NLGN4X: variants seen among roughly 807,000 people sequenced by gnomAD.
NLGN4X encodes the protein neuroligin 4 X-linked, also known as neuroligin-4, X-linked.
NLGN4X carries 3 observed loss-of-function variants against 40.3 expected under a neutral mutation model. The observed-to-expected ratio is 0.07, with a 90% CI of 0.03 to 0.19. The LOEUF (loss-of-function observed/expected upper bound fraction) is 0.19, where lower values mean the gene tolerates loss of function less well. Ranked by LOEUF, NLGN4X falls within the 10% of genes least tolerant of loss-of-function variation. The probability of loss-of-function intolerance (pLI) is 1.00; values close to 1 mark genes in which losing one functional copy is unlikely to be tolerated. For synonymous variants in NLGN4X, 270 were observed against 306.8 expected (o/e 0.88, Z 1.25); for missense variants, 382 against 708.3 (o/e 0.54, Z 5.23).
intron 3 of NLGN4X, among the ~76,000 whole-genome samples, chrX:5,914,932 T>G (rs1315275522): frequency 8.9e-6 from 1 of 112,541 alleles, no homozygotes; most frequent in Non-Finnish European, 1.9e-5. Flanking sequence ...GGTGAACCTT[T>G]AACTTTCTGA....
chrX:6,023,209 C>G (rs777777401), intron 3 of NLGN4X, among the ~76,000 whole-genome samples: 1 of 111,555 alleles, frequency 9.0e-6, no homozygotes, highest in Admixed American at 9.5e-5. Context: ...TCTACTGCAC[C>G]GAAGAGCTTT....
In NLGN4X at chrX:6,218,474, CCACACA is replaced by C. The variant is rs371223344; in HGVS notation, c.-306+10061_-306+10066del. 2.3e-3 allele frequency among the ~76,000 whole-genome samples: 106 copies of C among 46,983 alleles called. No individual in the cohort carries two copies. In the South Asian group the frequency reaches 0.023, roughly 10 times the overall value. The allele number at this position is 46,983 out of a possible 115,157, so 40.8% of individuals were successfully genotyped here. A position where few individuals can be genotyped will look rare whatever the true frequency, so the allele number is the denominator to read the frequency against. ...TGAAATAGGACATGAGAGATTAAAC[CCACACA>C]CACACACACACACACACACACACAC... On this transcript the variant is annotated intron_variant, in intron 1 of 5. Coordinates refer to ENST00000381095, the MANE Select transcript of NLGN4X (RefSeq NM_181332.3).
Position 6,089,501 on chromosome X carries a change from T to C in NLGN4X, c.473-60069A>G, listed in dbSNP as rs190981948. 5.2e-3 allele frequency among the ~76,000 whole-genome samples: 583 copies of C among 112,453 alleles called. 5 individuals are homozygous for C. The highest frequency in any genetic ancestry group is 6.4e-3 in the Non-Finnish European group (342 of 53,284). On this transcript the variant is annotated intron_variant, in intron 2 of 5. Coordinates refer to ENST00000381095, the MANE Select transcript of NLGN4X (RefSeq NM_181332.3). ...ACAGTTAAATTAAGAGACAGAGGAA[T>C]TGTGGGATATTCCTACTGAAACTTG...
chrX:5,973,986 G>T (rs2035103186), intron 3 of NLGN4X, among the ~76,000 whole-genome samples: 2 of 111,889 alleles, frequency 1.8e-5, no homozygotes, highest in African/African-American at 6.5e-5. Flanking sequence ...GAATGAGGTG[G>T]ATGTCTATGT....
At chrX:6,020,124 G>A (rs2036494662) in intron 3 of NLGN4X, among the ~76,000 whole-genome samples, 1 of 111,770 alleles carries the variant, frequency 8.9e-6, no homozygotes, top group South Asian at 3.7e-4. Context: ...GAAAAAAGAA[G>A]TCTTTGAAGA....
At chrX:5,988,929 G>A (rs774874437) in intron 3 of NLGN4X, among the ~76,000 whole-genome samples, 5 of 110,286 alleles carry the variant, frequency 4.5e-5, no homozygotes, top group East Asian at 5.7e-4. Flanking sequence ...TCAGCTGGGC[G>A]TGGTGGCACG....
At chrX:5,904,949 C>T (rs920903286) in intron 4 of NLGN4X, among the ~76,000 whole-genome samples, 4 of 110,648 alleles carry the variant, frequency 3.6e-5, no homozygotes, top group Non-Finnish European at 7.5e-5. Flanking sequence ...CACACAGGAC[C>T]GCAACTTGAA....
At chrX:6,182,764 GA>G (rs775079835) in intron 1 of NLGN4X, among the ~76,000 whole-genome samples, 1 of 111,604 alleles carries the variant, frequency 9.0e-6, no homozygotes, top group African/African-American at 3.3e-5. Flanking sequence ...CTCCATGGGG[GA>G]AAACGACAAG....
In NLGN4X at chrX:6,097,496, C is replaced by T. The variant is rs2038808686; in HGVS notation, c.472+53499G>A. 4.5e-5 allele frequency among the ~76,000 whole-genome samples: 5 copies of T among 111,257 alleles called. No homozygotes were observed. The South Asian group carries it at 1.9e-3, about 42-fold the overall frequency. On this transcript the variant is annotated intron_variant, in intron 2 of 5. Coordinates refer to ENST00000381095, the MANE Select transcript of NLGN4X (RefSeq NM_181332.3). ...GGCAGGACTCTGAATACCCCCTTACCCTAAACTCCACCTAGTTAGTCCCTC... is the reference window on the plus strand; with the variant it reads ...GGCAGGACTCTGAATACCCCCTTACTCTAAACTCCACCTAGTTAGTCCCTC...
chrX:6,195,987 T>G (rs1409680238), intron 1 of NLGN4X, among the ~76,000 whole-genome samples: 1 of 110,647 alleles, frequency 9.0e-6, no homozygotes, highest in Non-Finnish European at 1.9e-5. Context: ...AGAGATAGGA[T>G]CTCACTATTT....
intron 2 of NLGN4X, among the ~76,000 whole-genome samples, chrX:6,139,022 A>G (rs2039885699): frequency 8.9e-6 from 1 of 112,093 alleles, no homozygotes; most frequent in South Asian, 3.6e-4. Context: ...TTCTTGGGAA[A>G]GCTGAAGTTT....
chrX:5,954,634 GTC>G (rs200878268), intron 3 of NLGN4X, among the ~76,000 whole-genome samples: 21,643 of 94,099 alleles, frequency 0.23, 1,904 homozygotes, highest in East Asian at 0.33. Context: ...CTCTGTCTCT[GTC>G]TCTCTCTCTC....
In NLGN4X at chrX:5,935,575, T is replaced by C. The variant is rs189531753; in HGVS notation, c.626-26336A>G. Among the ~76,000 whole-genome samples, 3 of 112,213 alleles carry C rather than the reference T, an allele frequency of 2.7e-5. No homozygotes were observed. The East Asian group carries it at 8.4e-4, about 31-fold the overall frequency. On this transcript the variant is annotated intron_variant, in intron 3 of 5. Coordinates refer to ENST00000381095, the MANE Select transcript of NLGN4X (RefSeq NM_181332.3). Reference sequence around the variant, plus strand: ...TATATCCAAATATGCACATAAAATATGGTCCAGTAAATACATTTCTAGTTG... The same window carrying C: ...TATATCCAAATATGCACATAAAATACGGTCCAGTAAATACATTTCTAGTTG...
intron 3 of NLGN4X, among the ~76,000 whole-genome samples, chrX:5,920,972 G>A (rs923162256): frequency 1.8e-5 from 2 of 110,086 alleles, no homozygotes; most frequent in African/African-American, 6.6e-5. Context: ...AGAAGACAAC[G>A]GCTGGGTGGT....
chrX:5,938,083 C>T (rs775825047), intron 3 of NLGN4X, among the ~76,000 whole-genome samples: 2 of 110,887 alleles, frequency 1.8e-5, no homozygotes, highest in African/African-American at 6.6e-5. Context: ...GTTTGGGTAA[C>T]GATTCAGAAC....
intron 4 of NLGN4X, among the ~76,000 whole-genome samples, chrX:5,908,131 G>C (rs1359002861): frequency 9.5e-6 from 1 of 105,047 alleles, no homozygotes; most frequent in East Asian, 3.0e-4. Context: ...AGAGGGAGCA[G>C]GAGAGAGGTA....
At chrX:5,918,167 T>C (rs761525762) in intron 3 of NLGN4X, among the ~76,000 whole-genome samples, 59 of 111,140 alleles carry the variant, frequency 5.3e-4, no homozygotes, top group African/African-American at 1.9e-3. Context: ...TTTTTTTTTT[T>C]ATTTACGTTT....
chrX:6,215,728 C>T (rs1002865006), intron 1 of NLGN4X, among the ~76,000 whole-genome samples: 48 of 110,854 alleles, frequency 4.3e-4, no homozygotes, highest in Non-Finnish European at 1.7e-4. Flanking sequence ...TCAATGCAGG[C>T]AATTTAGTAG....
At chrX:6,167,800 C>G (rs2040528454) in intron 1 of NLGN4X, among the ~76,000 whole-genome samples, 1 of 112,058 alleles carries the variant, frequency 8.9e-6, no homozygotes, top group African/African-American at 3.2e-5. Flanking sequence ...CAGCAAGTGG[C>G]AAAATCCTCC....
Sources: gnomAD v4.1 joint callset for allele counts (sites outside exome capture counted in the v4.1 genomes callset) on GRCh38, gnomAD v4.1.1 for gene constraint, MANE v1.5 for transcripts, NCBI Gene and HGNC (gene_info 2026-07-23, HGNC 2026-07-21) for gene names.